The following XYLT1 variants were observed in gnomAD, a reference collection of about 807,000 sequenced individuals.
The protein encoded by XYLT1 is beta-D-xylosyltransferase 1.
Under a neutral mutation model 91.3 loss-of-function variants are expected in XYLT1, and 36 were observed. The observed-to-expected ratio is 0.39, with a 90% CI of 0.30 to 0.52. XYLT1 has a LOEUF of 0.52. Ranked by LOEUF, XYLT1 falls within the 20% of genes least tolerant of loss-of-function variation. The pLI is 0.68. For missense variants in XYLT1, 1,242 were observed against 1,284.5 expected (o/e 0.97, Z 0.51); for synonymous variants, 588 against 532.0 (o/e 1.11, Z -1.45).
chr16:17,463,837 A>T (rs2036851999), intron 1 of XYLT1, among the ~76,000 whole-genome samples: 1 of 152,262 alleles, frequency 6.6e-6, no homozygotes, highest in South Asian at 2.1e-4. Context: ...AAATCAAGTT[A>T]AGTGCCCATC....
At chr16:17,244,329 G>C (rs778499947) in intron 3 of XYLT1, among the ~76,000 whole-genome samples, 3 of 152,118 alleles carry the variant, frequency 2.0e-5, no homozygotes, top group Non-Finnish European at 4.4e-5. Context: ...CCTTGACCAC[G>C]CAAGAAAATT....
chr16:17,362,831 A>G (rs978048579), intron 1 of XYLT1, among the ~76,000 whole-genome samples: 2 of 152,180 alleles, frequency 1.3e-5, no homozygotes, highest in Non-Finnish European at 2.9e-5. Flanking sequence ...GTGTAGAGAT[A>G]ATGACACTGG....
intron 2 of XYLT1, among the ~76,000 whole-genome samples, chr16:17,295,805 G>A (rs1281735185): frequency 1.3e-5 from 2 of 152,144 alleles, no homozygotes; most frequent in African/African-American, 4.8e-5. Context: ...ATCCTGTAAT[G>A]CACAGGACGA....
At chr16:17,178,564 G>A (rs529793592) in intron 5 of XYLT1, among the ~76,000 whole-genome samples, 14 of 152,314 alleles carry the variant, frequency 9.2e-5, no homozygotes, top group East Asian at 5.8e-4. Context: ...GCAAGGCCAC[G>A]ATCTGAAACA....
At chr16:17,455,927 G>A (rs547107836) in intron 1 of XYLT1, among the ~76,000 whole-genome samples, 30 of 152,310 alleles carry the variant, frequency 2.0e-4, no homozygotes, top group African/African-American at 7.2e-4. Flanking sequence ...CAGAGAATAC[G>A]CAATTAATTA....
intron 5 of XYLT1, among the ~76,000 whole-genome samples, chr16:17,159,351 G>C (rs1412735000): frequency 1.3e-5 from 2 of 152,152 alleles, no homozygotes; most frequent in African/African-American, 4.8e-5. Context: ...CCTCTTTAGA[G>C]AGACCTTTTC....
At chr16:17,146,695 G>A (rs2031141615) in intron 6 of XYLT1, among the ~76,000 whole-genome samples, 2 of 152,146 alleles carry the variant, frequency 1.3e-5, no homozygotes, top group African/African-American at 4.8e-5. Flanking sequence ...ATAATCCTGG[G>A]TTAGGTAATT....
chr16:17,368,194 G>T (rs2035479649), intron 1 of XYLT1, among the ~76,000 whole-genome samples: 1 of 152,130 alleles, frequency 6.6e-6, no homozygotes, highest in Non-Finnish European at 1.5e-5. Flanking sequence ...GCAGTCCCAG[G>T]CTACAGCTCG....
At position 17,154,295 on chromosome 16, in the gene XYLT1, C is replaced by T. The variant is rs559650988; in HGVS notation, c.1370+4534G>A. ...AGGTGGCTGGACTCCAGCATCTATG[C>T]TCTGGCACTTCACACACTGTGTCCC... On this transcript the variant is annotated intron_variant, in intron 6 of 11. Transcript: ENST00000261381. 2.6e-5 allele frequency among the ~76,000 whole-genome samples: 4 copies of T among 152,330 alleles called. No individual in the cohort carries two copies. The East Asian group carries it at 7.7e-4, about 29-fold the overall frequency.
At chr16:17,265,017 T>C (rs865835203) in intron 2 of XYLT1, among the ~76,000 whole-genome samples, 2 of 152,126 alleles carry the variant, frequency 1.3e-5, no homozygotes, top group Non-Finnish European at 1.5e-5. Context: ...TGAAACCCCG[T>C]CTCTACTAAA....
Position 17,104,690 on chromosome 16 carries a change from T to G in XYLT1, c.*4005A>C, listed in dbSNP as rs548840215. 2.6e-5 allele frequency: 4 copies of G among 152,316 alleles called. No homozygotes were observed. The highest frequency in any genetic ancestry group is 4.4e-5 in the Non-Finnish European group (3 of 68,018). 9.4% of individuals were successfully genotyped at this position (152,316 alleles called of 1,614,324 possible). A position where few individuals can be genotyped will look rare whatever the true frequency, so the allele number is the denominator to read the frequency against. ...AACAACCCGACGTTGAAAAATCAGA[T>G]TTTTTCCATTAAATCTGGATTTCCG... is the stretch of plus-strand genomic sequence containing the variant. On this transcript the variant is annotated 3_prime_UTR_variant, in exon 12 of 12. Transcript: ENST00000261381.
intron 2 of XYLT1, among the ~76,000 whole-genome samples, chr16:17,339,978 TCAC>T (rs1210525992): frequency 6.6e-6 from 1 of 151,788 alleles, no homozygotes; most frequent in Non-Finnish European, 1.5e-5. Flanking sequence ...GATGCATCCA[TCAC>T]CCCTTGTCCA....
intron 3 of XYLT1, among the ~76,000 whole-genome samples, chr16:17,237,530 C>T (rs530018138): frequency 1.3e-5 from 2 of 152,284 alleles, no homozygotes; most frequent in South Asian, 2.1e-4. Context: ...AGGAAGTGCA[C>T]ATGTAATTAA....
intron 1 of XYLT1, among the ~76,000 whole-genome samples, chr16:17,438,710 G>A (rs1447330227): frequency 6.6e-6 from 1 of 152,070 alleles, no homozygotes; most frequent in Non-Finnish European, 1.5e-5. Flanking sequence ...GAAGGTGAAG[G>A]GGAAGCAAGC....
chr16:17,284,069 A>G (rs1036141790), intron 2 of XYLT1, among the ~76,000 whole-genome samples: 2 of 152,128 alleles, frequency 1.3e-5, no homozygotes, highest in Non-Finnish European at 2.9e-5. Flanking sequence ...ATCCCTTAAA[A>G]TCCACGTGAC....
intron 3 of XYLT1, among the ~76,000 whole-genome samples, chr16:17,206,982 G>A (rs553598617): frequency 3.3e-5 from 5 of 151,794 alleles, no homozygotes; most frequent in South Asian, 4.2e-4. Context: ...ATTCTAACCC[G>A]ATCCAGGAGT....
intron 2 of XYLT1, among the ~76,000 whole-genome samples, chr16:17,323,055 T>A: frequency 6.6e-6 from 1 of 152,090 alleles, no homozygotes; most frequent in Non-Finnish European, 1.5e-5. Flanking sequence ...GCCAAATACC[T>A]CCATGGCAGG....
intron 2 of XYLT1, among the ~76,000 whole-genome samples, chr16:17,294,875 AT>A (rs1441620264): frequency 3.3e-5 from 5 of 152,178 alleles, no homozygotes; most frequent in African/African-American, 1.2e-4. Context: ...CTAGATGACA[AT>A]TCCATAAAAG....
At chr16:17,211,995 T>C (rs1366499757) in intron 3 of XYLT1, among the ~76,000 whole-genome samples, 1 of 152,194 alleles carries the variant, frequency 6.6e-6, no homozygotes, top group African/African-American at 2.4e-5. Context: ...CTCCATTCAT[T>C]GATGTGTGTC....
Sources: allele counts gnomAD v4.1 joint callset (sites outside exome capture counted in the v4.1 genomes callset), GRCh38; gene constraint gnomAD v4.1.1; transcripts MANE v1.5; gene names NCBI Gene and HGNC (gene_info 2026-07-23, HGNC 2026-07-21).